The following TMPRSS11A variants were observed in gnomAD, a reference collection of about 807,000 sequenced individuals.
TMPRSS11A encodes the protein transmembrane protease serine 11A.
A neutral mutation model predicts 58.9 loss-of-function variants in TMPRSS11A; 53 were observed. That is an observed-to-expected ratio of 0.90 (90% CI 0.72 to 1.13). TMPRSS11A has a LOEUF of 1.13. Ranked by LOEUF, TMPRSS11A falls within the 50% of genes most tolerant of loss-of-function variation. The pLI is 0.00. For synonymous variants in TMPRSS11A, 167 were observed against 169.8 expected (o/e 0.98, Z 0.13); for missense variants, 493 against 499.3 (o/e 0.99, Z 0.12).
intron 1 of TMPRSS11A, among the ~76,000 whole-genome samples, chr4:67,948,769 T>TA (rs1721088445): frequency 6.6e-6 from 1 of 152,192 alleles, no homozygotes; most frequent in Admixed American, 6.5e-5. Context: ...GCTTAAAACA[T>TA]ACATTTATAA....
At position 67,919,930 on chromosome 4, in the gene TMPRSS11A, A is replaced by C. The variant is rs116384824; in HGVS notation, c.693-698T>G. Among the ~76,000 whole-genome samples, 1,511 of 152,248 alleles carry C rather than the reference A, an allele frequency of 9.9e-3. 25 individuals are homozygous for C. Among genetic ancestry groups the C allele is most frequent in the African/African-American group, 0.034 (1,424 of 41,552 alleles). On this transcript the variant is annotated intron_variant, in intron 7 of 9. Coordinates refer to ENST00000508048, the MANE Select transcript of TMPRSS11A (RefSeq NM_001114387.2). ...TTTATAGGTCATGATAAAGTGCTTA[A>C]ATTTTATTGAAGTGATATGGGAATC...
intron 3 of TMPRSS11A, 91 bp from the exon 4 acceptor site, chr4:67,932,151 T>C (rs1379682779): frequency 1.4e-6 from 1 of 697,016 alleles, no homozygotes. Flanking sequence ...ATCAAAAATT[T>C]TTTCACAGAA....
intron 9 of TMPRSS11A, among the ~76,000 whole-genome samples, chr4:67,912,683 G>A (rs1411199221): frequency 2.0e-5 from 3 of 152,120 alleles, no homozygotes; most frequent in African/African-American, 7.2e-5. Flanking sequence ...TAGAGTTACT[G>A]TTGAGGAGTT....
intron 7 of TMPRSS11A, among the ~76,000 whole-genome samples, chr4:67,921,295 C>A (rs910635530): frequency 6.6e-6 from 1 of 152,178 alleles, no homozygotes; most frequent in Non-Finnish European, 1.5e-5. Flanking sequence ...GCTCTCACAT[C>A]TTTCAAACAT....
chr4:67,929,946 T>C lies in TMPRSS11A; in HGVS notation c.415A>G (p.Ile139Val), dbSNP rs1720568413. Reference protein sequence around the residue: ...RAVREKKIQSILNQKIRNLRA... With the variant: ...RAVREKKIQSVLNQKIRNLRA... ...AAATTCCTTATCTTCTGATTTAAGA[T>C]GCTTTGGATTTTCTTCTCTCTTACT... The change falls in exon 5 of 10, where the codon ATC becomes GTC. Residue 139 changes from isoleucine to valine, a missense_variant. By Grantham distance (29) the Ile-to-Val change is conservative (BLOSUM62 3). Transcript: ENST00000508048. The C allele has an allele frequency of 6.2e-7, 1 of 1,613,898 alleles. No individual in the cohort carries two copies. Among genetic ancestry groups the C allele is most frequent in the Non-Finnish European group, 8.5e-7 (1 of 1,179,818 alleles).
At chr4:67,942,549 C>T (rs10024564) in intron 3 of TMPRSS11A, among the ~76,000 whole-genome samples, 80,823 of 152,052 alleles carry the variant, frequency 0.53, 22,420 homozygotes, top group African/African-American at 0.62. Flanking sequence ...GCCTATGGTA[C>T]TTTTTGTTGT....
intron 3 of TMPRSS11A, among the ~76,000 whole-genome samples, chr4:67,944,221 A>C (rs1041569738): frequency 1.3e-5 from 2 of 152,170 alleles, no homozygotes; most frequent in Non-Finnish European, 1.5e-5. Flanking sequence ...ATTGGGGAAG[A>C]AATGGGCTAG....
Position 67,932,010 on chromosome 4 carries a change from G to A in TMPRSS11A, c.303C>T (p.Asn101=). The A allele has an allele frequency of 6.2e-7, 1 of 1,603,434 alleles. No homozygotes were observed. Among genetic ancestry groups the A allele is most frequent in the Non-Finnish European group, 8.5e-7 (1 of 1,170,866 alleles). Residue 101 remains asparagine (N), a synonymous_variant, in exon 4 of 10, where the codon AAC becomes AAT. Transcript: ENST00000508048. ...DSAWKKNYIK[N]QVVRLTPEED... ...ATACATACGTCAGTCTGACTACTTGGTTCTTGATATAATTTTTCTTCCAGG... is the reference window on the plus strand; with the variant it reads ...ATACATACGTCAGTCTGACTACTTGATTCTTGATATAATTTTTCTTCCAGG...
intron 9 of TMPRSS11A, 28 bp downstream of exon 9, chr4:67,914,560 G>A (rs1436602635): frequency 6.2e-7 from 1 of 1,605,476 alleles, no homozygotes; most frequent in Middle Eastern, 1.7e-4. Flanking sequence ...TTTTGAGTTA[G>A]TAATATAAAA....
chr4:67,931,023 A>G (rs1370240346), intron 4 of TMPRSS11A, among the ~76,000 whole-genome samples: 2 of 152,054 alleles, frequency 1.3e-5, no homozygotes, highest in Non-Finnish European at 2.9e-5. Context: ...AGGAATTAAC[A>G]TTTTTACCAG....
At chr4:67,914,877 C>T in intron 8 of TMPRSS11A, 147 bp from the exon 9 acceptor site, 1 of 580,292 alleles carries the variant, frequency 1.7e-6, no homozygotes, top group Non-Finnish European at 2.9e-6. Context: ...AAAAGAATTT[C>T]TGGTTAAATC....
chr4:67,912,169 G>A lies in TMPRSS11A; in HGVS notation c.1096-666C>T, dbSNP rs182341212. ...ATAGTTTTCTATGTACCTGGTAAATGCTGAATGCTCCAAAAGATCTACCAA... is the reference window on the plus strand; with the variant it reads ...ATAGTTTTCTATGTACCTGGTAAATACTGAATGCTCCAAAAGATCTACCAA... On this transcript the variant is annotated intron_variant, in intron 9 of 9. Transcript: ENST00000508048. Among the ~76,000 whole-genome samples the A allele has an allele frequency of 2.6e-5, 4 of 152,046 alleles. No homozygotes were observed. The East Asian group carries it at 7.7e-4, about 29-fold the overall frequency.
At chr4:67,931,802 C>T (rs896911862) in intron 4 of TMPRSS11A, among the ~76,000 whole-genome samples, 191 bp downstream of exon 4, 4 of 152,138 alleles carry the variant, frequency 2.6e-5, no homozygotes, top group African/African-American at 7.2e-5. Context: ...CTTACCCTTC[C>T]TGAATCTTAG....
intron 3 of TMPRSS11A, among the ~76,000 whole-genome samples, chr4:67,933,011 A>G (rs1048876002): frequency 1.3e-5 from 2 of 151,986 alleles, no homozygotes; most frequent in Non-Finnish European, 2.9e-5. Flanking sequence ...TGGGTAAGGT[A>G]CTACAGTTCA....
chr4:67,940,895 G>C (rs1037813417), intron 3 of TMPRSS11A, among the ~76,000 whole-genome samples: 2 of 152,174 alleles, frequency 1.3e-5, no homozygotes, highest in Admixed American at 1.3e-4. Flanking sequence ...TACTTAGGCA[G>C]CTTATTCAGC....
intron 3 of TMPRSS11A, among the ~76,000 whole-genome samples, chr4:67,942,257 A>G (rs1720898298): frequency 6.6e-6 from 1 of 152,170 alleles, no homozygotes; most frequent in Non-Finnish European, 1.5e-5. Context: ...GTTCCCCTGA[A>G]ATTTATATTT....
intron 1 of TMPRSS11A, among the ~76,000 whole-genome samples, chr4:67,951,072 A>G (rs982185427): frequency 1.3e-5 from 2 of 152,250 alleles, no homozygotes; most frequent in African/African-American, 4.8e-5. Flanking sequence ...CCCAGAGTAC[A>G]GATGATCCTT....
chr4:67,934,918 G>A (rs1210319977), intron 3 of TMPRSS11A, among the ~76,000 whole-genome samples: 4 of 152,074 alleles, frequency 2.6e-5, no homozygotes, highest in African/African-American at 9.7e-5. Context: ...ATATGTCACT[G>A]CAGACTGGCA....
chr4:67,935,171 A>T (rs531480296), intron 3 of TMPRSS11A, among the ~76,000 whole-genome samples: 1 of 152,298 alleles, frequency 6.6e-6, no homozygotes, highest in South Asian at 2.1e-4. Flanking sequence ...TCAAGGTAAA[A>T]ATAGGGAATT....
Sources: gnomAD v4.1 joint callset for allele counts (sites outside exome capture counted in the v4.1 genomes callset) on GRCh38, gnomAD v4.1.1 for gene constraint, MANE v1.5 for transcripts, NCBI Gene and HGNC (gene_info 2026-07-23, HGNC 2026-07-21) for gene names.